The following NELL2 variants were observed in gnomAD, a reference collection of about 807,000 sequenced individuals.
NELL2 encodes the protein neural EGFL like 2.
NELL2 carries 41 observed loss-of-function variants against 109.6 expected under a neutral mutation model. That is an observed-to-expected ratio of 0.37 (90% CI 0.29 to 0.49). The LOEUF is 0.49. Ranked by LOEUF, NELL2 falls within the 20% of genes least tolerant of loss-of-function variation. NELL2 has a pLI of 0.98. For missense variants in NELL2, 900 were observed against 1,008.3 expected, an observed-to-expected ratio of 0.89 and a Z score of 1.45; for synonymous variants, 355 against 344.7, an observed-to-expected ratio of 1.03 and a Z score of -0.33.
chr12:44,740,732 C>T (rs1939910565), intron 9 of NELL2, among the ~76,000 whole-genome samples: 1 of 152,142 alleles, frequency 6.6e-6, no homozygotes, highest in Admixed American at 6.6e-5. Flanking sequence ...GTCTCCTCTG[C>T]TATACCAAAG....
intron 19 of NELL2, among the ~76,000 whole-genome samples, chr12:44,517,927 G>A (rs990179863): frequency 6.6e-6 from 1 of 152,120 alleles, no homozygotes; most frequent in Non-Finnish European, 1.5e-5. Context: ...GCACTAAATT[G>A]TGAAGAATGC....
rs373504106 is a variant in NELL2 at position 44,532,664 on chromosome 12, T to C, written c.1721A>G (p.Asn574Ser). 1.9e-6 allele frequency: 3 copies of C among 1,613,658 alleles called. No homozygotes were observed. The highest frequency in any genetic ancestry group is 2.5e-6 in the Non-Finnish European group (3 of 1,179,688). Reference sequence around the variant, plus strand: ...CTCACAGTGGTACCATCCAGGCAGGTTAATGCAATTAGCACGACTGTCACA... The same window carrying C: ...CTCACAGTGGTACCATCCAGGCAGGCTAATGCAATTAGCACGACTGTCACA... The part of the protein sequence containing the change: ...VQCDSRANCI[N>S]LPGWYHCECR... The change falls in exon 16 of 20, where the codon AAC (asparagine) becomes AGC (serine). Residue 574 changes from asparagine to serine, a missense_variant. Physicochemically the swap from Asn to Ser is conservative, Grantham distance 46 (BLOSUM62 1). This residue lies in a region of NELL2 where 333 missense variants were observed against 432.3 expected (regional missense o/e 0.77). Coordinates refer to ENST00000429094, the MANE Select transcript of NELL2 (RefSeq NM_001145108.2).
At chr12:44,589,270 A>G (rs1034567075) in intron 15 of NELL2, among the ~76,000 whole-genome samples, 2 of 152,140 alleles carry the variant, frequency 1.3e-5, no homozygotes, top group African/African-American at 4.8e-5. Context: ...CAGTGGAAAA[A>G]AAAAAAACAG....
intron 9 of NELL2, among the ~76,000 whole-genome samples, chr12:44,745,202 C>A (rs947792863): frequency 1.3e-5 from 2 of 151,160 alleles, no homozygotes; most frequent in Admixed American, 6.6e-5. Flanking sequence ...AAGACAAAAA[C>A]CATGATTATC....
rs1334165983 is a variant in NELL2, at chr12:44,776,043, G to A, written c.870C>T (p.Gly290=). 2 of 1,613,778 alleles carry A rather than the reference G, an allele frequency of 1.2e-6. No individual in the cohort carries two copies. Among genetic ancestry groups the A allele is most frequent in the Non-Finnish European group, 1.7e-6 (2 of 1,179,856 alleles). ...TYREFESWID[G]CKNCTCLNGT... is the part of the protein sequence containing the mutation. ...ATACCAGGCATGTGCAGTTCTTACA[G>A]CCGTCTATCCAGGACTCAAATTCTC... The change falls in exon 8 of 20, where the codon GGC becomes GGT. Residue 290 remains glycine, a synonymous_variant. Coordinates refer to ENST00000429094, the MANE Select transcript of NELL2 (RefSeq NM_001145108.2).
intron 9 of NELL2, among the ~76,000 whole-genome samples, chr12:44,772,337 C>T (rs1021137036): frequency 6.6e-6 from 1 of 152,134 alleles, no homozygotes; most frequent in Non-Finnish European, 1.5e-5. Context: ...GTTTCTCCCA[C>T]TTTTTTTAAA....
At chr12:44,681,011 C>T (rs1162667924) in intron 12 of NELL2, among the ~76,000 whole-genome samples, 1 of 149,630 alleles carries the variant, frequency 6.7e-6, no homozygotes. Context: ...TTGTGCAATT[C>T]TTTTTTTTTA....
At chr12:44,512,307 T>G (rs529976391) in intron 19 of NELL2, among the ~76,000 whole-genome samples, 1 of 152,230 alleles carries the variant, frequency 6.6e-6, no homozygotes, top group East Asian at 1.9e-4. Context: ...AGAACAGCTT[T>G]TATTAAAAAG....
chr12:44,643,077 T>C (rs1343785638), intron 13 of NELL2, among the ~76,000 whole-genome samples: 1 of 152,186 alleles, frequency 6.6e-6, no homozygotes, highest in Non-Finnish European at 1.5e-5. Flanking sequence ...GATAAAAATG[T>C]AAACTCCTAC....
intron 2 of NELL2, among the ~76,000 whole-genome samples, chr12:44,869,285 A>C (rs1945097264): frequency 6.6e-6 from 1 of 152,134 alleles, no homozygotes; most frequent in Non-Finnish European, 1.5e-5. Flanking sequence ...GGCAAACACC[A>C]CTTGGTTTCA....
chr12:44,643,209 T>C (rs1946926600), intron 13 of NELL2, among the ~76,000 whole-genome samples: 1 of 152,184 alleles, frequency 6.6e-6, no homozygotes, highest in Non-Finnish European at 1.5e-5. Flanking sequence ...AAAAGTCCTA[T>C]ACCACATACT....
intron 9 of NELL2, among the ~76,000 whole-genome samples, chr12:44,760,425 CAA>C (rs1941073123): frequency 6.6e-6 from 1 of 151,858 alleles, no homozygotes; most frequent in Non-Finnish European, 1.5e-5. Context: ...CATCTAGAAA[CAA>C]GAGAAAATTA....
intron 9 of NELL2, among the ~76,000 whole-genome samples, chr12:44,750,871 C>T (rs1431279221): frequency 6.6e-6 from 1 of 151,790 alleles, no homozygotes; most frequent in Non-Finnish European, 1.5e-5. Flanking sequence ...AAAAGTGATC[C>T]AATATCAAAA....
chr12:44,585,270 G>A (rs1944451851), intron 15 of NELL2, among the ~76,000 whole-genome samples: 1 of 152,152 alleles, frequency 6.6e-6, no homozygotes, highest in South Asian at 2.1e-4. Flanking sequence ...GAAACCATTT[G>A]AAATAGTAAA....
intron 9 of NELL2, among the ~76,000 whole-genome samples, chr12:44,743,857 T>G (rs529440154): frequency 6.6e-6 from 1 of 152,238 alleles, no homozygotes; most frequent in South Asian, 2.1e-4. Flanking sequence ...AATGGGAGAC[T>G]TTAACACCTC....
intron 15 of NELL2, among the ~76,000 whole-genome samples, chr12:44,594,630 A>G (rs1944888422): frequency 6.6e-6 from 1 of 152,198 alleles, no homozygotes; most frequent in African/African-American, 2.4e-5. Context: ...CTGCTTATAG[A>G]CAAATTTCTC....
chr12:44,662,573 T>A (rs1194319719), intron 13 of NELL2, among the ~76,000 whole-genome samples: 1 of 152,152 alleles, frequency 6.6e-6, no homozygotes, highest in African/African-American at 2.4e-5. Context: ...TTTATGAACA[T>A]GAGGAAAATC....
At chr12:44,890,514 C>T (rs2136868624) in intron 1 of NELL2, among the ~76,000 whole-genome samples, 1 of 152,222 alleles carries the variant, frequency 6.6e-6, no homozygotes, top group African/African-American at 2.4e-5. Context: ...GTGGAGGTGA[C>T]TCCAGAGTTC....
In NELL2 at chr12:44,792,676, C is replaced by T. The variant is rs74078932; in HGVS notation, c.336-12654G>A. Among the ~76,000 whole-genome samples, 1,191 of 152,012 alleles carry T rather than the reference C, an allele frequency of 7.8e-3. 16 individuals are homozygous for T. The highest frequency in any genetic ancestry group is 0.027 in the African/African-American group (1,133 of 41,484). Reference sequence around the variant, plus strand: ...CAACTAGATGGATTTTTCTTATTGACGTATAGATCTGCCAATCAGATTAGC... The same window carrying T: ...CAACTAGATGGATTTTTCTTATTGATGTATAGATCTGCCAATCAGATTAGC... On this transcript the variant is annotated intron_variant, in intron 3 of 19. Coordinates refer to ENST00000429094, the MANE Select transcript of NELL2 (RefSeq NM_001145108.2).
Sources: allele counts gnomAD v4.1 joint callset (sites outside exome capture counted in the v4.1 genomes callset), GRCh38; gene constraint gnomAD v4.1.1; regional missense constraint gnomAD v4.1.1; transcripts MANE v1.5; gene names NCBI Gene and HGNC (gene_info 2026-07-23, HGNC 2026-07-21).